NR3C1: variants seen among roughly 807,000 people sequenced by gnomAD.
NR3C1 encodes glucocorticoid receptor.
In NR3C1, 14 loss-of-function variants were observed where a neutral mutation model predicts 74.0. The ratio of observed to expected loss-of-function variants is 0.19; its 90% CI spans 0.12 to 0.30. The LOEUF is 0.30. Among genes scored for constraint, NR3C1 ranks in the 10% least tolerant of loss-of-function variants. NR3C1 has a pLI of 1.00. For synonymous variants in NR3C1, 308 were observed against 332.5 expected, an observed-to-expected ratio of 0.93 and a Z score of 0.80; for missense variants, 695 against 909.8, an observed-to-expected ratio of 0.76 and a Z score of 3.04.
At chr5:143,316,342 G>A (rs772166770) in intron 2 of NR3C1, among the ~76,000 whole-genome samples, 8 of 152,180 alleles carry the variant, frequency 5.3e-5, no homozygotes, top group Non-Finnish European at 1.0e-4. Flanking sequence ...ACAGTTGTTT[G>A]TATATTAGTT....
chr5:143,335,289 T>C (rs1035924488), intron 2 of NR3C1, among the ~76,000 whole-genome samples: 1 of 152,044 alleles, frequency 6.6e-6, no homozygotes, highest in Admixed American at 6.5e-5. Context: ...TGAGGAAAAC[T>C]CTCTGTAACC....
chr5:143,432,611 A>T (rs1366893911), intron 1 of NR3C1, among the ~76,000 whole-genome samples: 1 of 152,212 alleles, frequency 6.6e-6, no homozygotes, highest in Non-Finnish European at 1.5e-5. Context: ...GATGCTCGGG[A>T]TGAGTTTGTT....
chr5:143,306,919 C>T (rs1454986455), intron 4 of NR3C1, among the ~76,000 whole-genome samples: 8 of 101,230 alleles, frequency 7.9e-5, no homozygotes, highest in Admixed American at 2.8e-4. Context: ...TTTTTTGAGA[C>T]GGAGTCTCGC....
At chr5:143,286,608 C>T (rs1430206115) in intron 7 of NR3C1, among the ~76,000 whole-genome samples, 2 of 152,004 alleles carry the variant, frequency 1.3e-5, no homozygotes, top group African/African-American at 2.4e-5. Flanking sequence ...CATGGCAAGT[C>T]ACAAGGGTCA....
chr5:143,403,313 T>TA lies in NR3C1; in HGVS notation c.-117_-116insT, dbSNP rs367554852. On this transcript the variant is annotated 5_prime_UTR_variant, in exon 1 of 9. An upstream open reading frame in the 5' UTR loses its in-frame stop. Coordinates refer to ENST00000394464, the MANE Select transcript of NR3C1 (RefSeq NM_000176.3). The stretch of plus-strand genomic sequence containing the variant: ...GCAGAAGGAGCAGGAGGGAAATATA[T>TA]TTTTTTTTTCTAAAAAAAGGAAGTA... 1.0e-3 allele frequency: 977 copies of TA among 949,490 alleles called. 3 individuals carry two copies. The highest frequency in any genetic ancestry group is 1.1e-3 in the South Asian group (22 of 20,578). The allele number at this position is 949,490 out of a possible 1,614,324, so 58.8% of individuals were successfully genotyped here.
chr5:143,350,154 G>A (rs568055152), intron 2 of NR3C1, among the ~76,000 whole-genome samples: 79 of 152,262 alleles, frequency 5.2e-4, no homozygotes, highest in African/African-American at 1.9e-3. Context: ...TCAGGACAGT[G>A]AGAACCCTAG....
Position 143,399,970 on chromosome 5 carries a change from C to T in NR3C1, c.870G>A (p.Gly290=). 1 of 1,614,114 alleles carries T rather than the reference C, an allele frequency of 6.2e-7. No homozygotes were observed. The change falls in exon 2 of 9, where the codon GGG becomes GGA. Residue 290 remains glycine, a synonymous_variant. Coordinates refer to ENST00000394464, the MANE Select transcript of NR3C1 (RefSeq NM_000176.3). ...TGCCCAGTTTCTCTTGCTTAATTAC[C>T]CCAGGGGTGCAGAGTTCGATGAAAT... ...KEDFIELCTP[G]VIKQEKLGTV... is the part of the protein sequence containing the mutation.
chr5:143,370,500 C>T (rs1194401899), intron 2 of NR3C1, among the ~76,000 whole-genome samples: 6 of 152,198 alleles, frequency 3.9e-5, no homozygotes, highest in African/African-American at 1.4e-4. Context: ...GTATCTTCTA[C>T]AGCAGAATAA....
rs532488971 is a variant in NR3C1, at chr5:143,325,377, G to C, written c.1185-11209C>G. Among the ~76,000 whole-genome samples the C allele has an allele frequency of 3.9e-5, 6 of 152,320 alleles. No individual in the cohort carries two copies. In the South Asian group the frequency reaches 1.2e-3, roughly 32 times the overall value. On this transcript the variant is annotated intron_variant, in intron 2 of 8. Coordinates refer to ENST00000394464, the MANE Select transcript of NR3C1 (RefSeq NM_000176.3). ...ACTATCACGAGAATAGCAAGGGAAA[G>C]ACCAGACCCTGTGATTCAATTAGCT...
At chr5:143,349,175 T>C (rs754564788) in intron 2 of NR3C1, among the ~76,000 whole-genome samples, 28 of 152,200 alleles carry the variant, frequency 1.8e-4, no homozygotes, top group Non-Finnish European at 2.6e-4. Context: ...TCTTTCTTAG[T>C]TGCTTTGCTT....
intron 1 of NR3C1, among the ~76,000 whole-genome samples, chr5:143,421,272 G>A (rs1426855954): frequency 6.6e-6 from 1 of 152,112 alleles, no homozygotes; most frequent in Non-Finnish European, 1.5e-5. Context: ...AACAACAGGG[G>A]GCTCAGAAGG....
chr5:143,360,894 C>G (rs1419264970), intron 2 of NR3C1, among the ~76,000 whole-genome samples: 1 of 152,104 alleles, frequency 6.6e-6, no homozygotes, highest in African/African-American at 2.4e-5. Flanking sequence ...AGCTACACTG[C>G]AGGGTACCAG....
chr5:143,324,095 C>T (rs553795300), intron 2 of NR3C1, among the ~76,000 whole-genome samples: 24 of 152,292 alleles, frequency 1.6e-4, no homozygotes, highest in Admixed American at 1.4e-3. Flanking sequence ...GGTGGATCTA[C>T]CATTCTGGGG....
chr5:143,400,240 A>T lies in NR3C1; in HGVS notation c.600T>A (p.Ser200=). The T allele has an allele frequency of 6.3e-7, 1 of 1,598,372 alleles. No individual in the cohort carries two copies. Among genetic ancestry groups the T allele is most frequent in the Non-Finnish European group, 8.5e-7 (1 of 1,173,622 alleles). The change falls in exon 2 of 9, where the codon TCT becomes TCA. Residue 200 remains serine, a synonymous_variant. Coordinates refer to ENST00000394464, the MANE Select transcript of NR3C1 (RefSeq NM_000176.3). ...TFDILQDLEF[S]SGSPGKETNE... The stretch of plus-strand genomic sequence containing the variant: ...TCGTCTCTTTACCTGGGGACCCAGA[A>T]GAAAACTCCAAATCCTGCAAAATGT...
At chr5:143,310,811 CCA>C (rs1454013591) in intron 3 of NR3C1, among the ~76,000 whole-genome samples, 2 of 152,124 alleles carry the variant, frequency 1.3e-5, no homozygotes, top group Non-Finnish European at 2.9e-5. Flanking sequence ...GTGCACGCCA[CCA>C]CGCCTGGCTA....
At chr5:143,373,646 C>T (rs1170017372) in intron 2 of NR3C1, among the ~76,000 whole-genome samples, 1 of 151,810 alleles carries the variant, frequency 6.6e-6, no homozygotes, top group African/African-American at 2.4e-5. Context: ...TGTGATTCCA[C>T]AACATAAAGT....
chr5:143,307,426 T>C (rs141919131), intron 4 of NR3C1, among the ~76,000 whole-genome samples: 2,260 of 152,312 alleles, frequency 0.015, 16 homozygotes, highest in Middle Eastern at 0.041. Flanking sequence ...TACTTTGTAG[T>C]TGATATATCT....
intron 2 of NR3C1, among the ~76,000 whole-genome samples, chr5:143,385,050 A>C (rs1836937125): frequency 6.6e-6 from 1 of 152,198 alleles, no homozygotes; most frequent in Non-Finnish European, 1.5e-5. Flanking sequence ...GCACACCCAT[A>C]GGCCCAACAC....
chr5:143,330,718 A>G (rs1173333139), intron 2 of NR3C1, among the ~76,000 whole-genome samples: 1 of 152,242 alleles, frequency 6.6e-6, no homozygotes, highest in African/African-American at 2.4e-5. Context: ...TCTGAAAATA[A>G]AAGTCATTAC....
Sources: gnomAD v4.1 joint callset for allele counts (sites outside exome capture counted in the v4.1 genomes callset) on GRCh38, gnomAD v4.1.1 for gene constraint, MANE v1.5 for transcripts, NCBI Gene and HGNC (gene_info 2026-07-23, HGNC 2026-07-21) for gene names.